Variants in PCDHGA3 observed in about 807,000 individuals in gnomAD.
PCDHGA3 encodes the protein protocadherin gamma-A3.
PCDHGA3 carries 40 observed loss-of-function variants against 58.5 expected under a neutral mutation model. The ratio of observed to expected loss-of-function variants is 0.68; its 90% CI spans 0.53 to 0.89. The LOEUF (loss-of-function observed/expected upper bound fraction) is 0.89. PCDHGA3 is among the 40% of genes least tolerant of loss of function. The probability of loss-of-function intolerance (pLI) is 0.00; values close to 1 mark genes in which losing one functional copy is unlikely to be tolerated. For missense variants in PCDHGA3, 1,223 were observed against 1,195.9 expected (o/e 1.02, Z -0.33); for synonymous variants, 530 against 525.7 (o/e 1.01, Z -0.11).
In PCDHGA3 at chr5:141,489,104, A is replaced by C; in HGVS notation, c.2425-5703A>C. The stretch of plus-strand genomic sequence containing the variant: ...CCACTCGGTGACTAAGAACTGCTGC[A>C]AGCAGGCAAACCTCCGAGCAGTTTT... On this transcript the variant is annotated intron_variant, in intron 1 of 3. Coordinates refer to ENST00000253812, the MANE Select transcript of PCDHGA3 (RefSeq NM_018916.4). The surrounding 1 kb of genome is among the most constrained non-coding windows in gnomAD (Gnocchi z 4.5). 2.5e-6 allele frequency: 1 copy of C among 405,816 alleles called. No individual in the cohort carries two copies. Among genetic ancestry groups the C allele is most frequent in the Non-Finnish European group, 4.3e-6 (1 of 232,372 alleles). 25.1% of individuals were successfully genotyped at this position (405,816 alleles called of 1,614,324 possible). A position where few individuals can be genotyped will look rare whatever the true frequency, so the allele number is the denominator to read the frequency against.
At chr5:141,361,729 C>A in intron 1 of PCDHGA3, 1 of 1,613,256 alleles carries the variant, frequency 6.2e-7, no homozygotes, top group East Asian at 2.2e-5. Flanking sequence ...CGAGCTCACA[C>A]TGCAGGCCCG....
intron 1 of PCDHGA3, chr5:141,351,562 C>A: frequency 1.9e-6 from 3 of 1,614,052 alleles, no homozygotes; most frequent in Non-Finnish European, 2.5e-6. Context: ...GGACAAGCAT[C>A]ACCCTGCACA....
In PCDHGA3 at chr5:141,511,318, A is replaced by C; in HGVS notation, c.*145A>C. 2 of 1,476,400 alleles carry C rather than the reference A, an allele frequency of 1.4e-6. No homozygotes were observed. Among genetic ancestry groups the C allele is most frequent in the South Asian group, 2.7e-5 (2 of 72,796 alleles). 91.5% of individuals were successfully genotyped at this position (1,476,400 alleles called of 1,614,324 possible). On this transcript the variant is annotated 3_prime_UTR_variant, in exon 4 of 4. Transcript: ENST00000253812. The stretch of plus-strand genomic sequence containing the variant: ...GCCATGCTCCCCTTGGGAAACAGAA[A>C]CAAGTGCCCAGTCAGCACCTACCCC...
intron 1 of PCDHGA3, chr5:141,351,744 G>C (rs1052633370): frequency 5.0e-6 from 8 of 1,613,526 alleles, no homozygotes; most frequent in South Asian, 1.1e-5. Context: ...CTGGAGCCGC[G>C]GGAGCTGTTG....
chr5:141,355,979 G>A (rs1277093940), intron 1 of PCDHGA3: 28 of 1,613,680 alleles, frequency 1.7e-5, no homozygotes, highest in Non-Finnish European at 2.1e-5. Context: ...GTAGGCACTC[G>A]GCTACTCACC....
At chr5:141,405,082 G>A (rs376389835) in intron 1 of PCDHGA3, 21 of 1,613,674 alleles carry the variant, frequency 1.3e-5, no homozygotes, top group East Asian at 2.2e-5. Context: ...TCGTTATCAC[G>A]CTGCTGGCCC....
At chr5:141,364,349 G>C (rs758855393) in intron 1 of PCDHGA3, 1 of 1,549,456 alleles carries the variant, frequency 6.5e-7, no homozygotes, top group Middle Eastern at 1.7e-4. Flanking sequence ...TCCACCTAGG[G>C]GCTGGGGCTG....
intron 1 of PCDHGA3, among the ~76,000 whole-genome samples, chr5:141,349,451 CATGT>C (rs1758296704): frequency 6.6e-6 from 1 of 152,086 alleles, no homozygotes; most frequent in Non-Finnish European, 1.5e-5. Flanking sequence ...TTCATAAAAG[CATGT>C]ATGTGTACCC....
chr5:141,445,361 G>A (rs2098464750), intron 1 of PCDHGA3, among the ~76,000 whole-genome samples: 2 of 152,138 alleles, frequency 1.3e-5, no homozygotes, highest in African/African-American at 4.8e-5. Context: ...GCCCAAGTCT[G>A]GTCCTGGGTG....
At chr5:141,381,157 C>T (rs959682414) in intron 1 of PCDHGA3, among the ~76,000 whole-genome samples, 2 of 152,238 alleles carry the variant, frequency 1.3e-5, no homozygotes, top group African/African-American at 4.8e-5. Flanking sequence ...AAATAGGTTA[C>T]TTAGGAGCCT....
chr5:141,474,289 T>C (rs11956411), intron 1 of PCDHGA3, among the ~76,000 whole-genome samples: 31,178 of 152,120 alleles, frequency 0.2, 3,304 homozygotes, highest in Admixed American at 0.31. Context: ...ACCCACTAGA[T>C]CAGTGCTTGT....
rs756146067 is a variant in PCDHGA3, at chr5:141,477,534, G to C, written c.2425-17273G>C. On this transcript the variant is annotated intron_variant, in intron 1 of 3. Transcript: ENST00000253812. This position sits in a 1 kb window ranked among gnomAD's most constrained non-coding sequence, Gnocchi z 4.9. ...TACATTGAAGAAAACAACCTCCCCG[G>C]GGCTCCAATACTAAACCTAAGTGTC... 1.9e-6 allele frequency: 3 copies of C among 1,614,008 alleles called. No homozygotes were observed. Among genetic ancestry groups the C allele is most frequent in the East Asian group, 4.5e-5 (2 of 44,870 alleles).
chr5:141,427,854 TGC>T (rs2097079964), intron 1 of PCDHGA3: 1 of 1,553,594 alleles, frequency 6.4e-7, no homozygotes, highest in Non-Finnish European at 8.8e-7. Context: ...CGAGCAGCTG[TGC>T]GCCTTCGAGC....
At chr5:141,484,878 G>C (rs2099602522) in intron 1 of PCDHGA3, 1 of 341,888 alleles carries the variant, frequency 2.9e-6, no homozygotes, top group Non-Finnish European at 5.3e-6. Flanking sequence ...TGGAGGATAG[G>C]GTGGGCTTTT....
intron 1 of PCDHGA3, chr5:141,423,382 C>A (rs1244632347): frequency 6.2e-7 from 1 of 1,614,118 alleles, no homozygotes; most frequent in Admixed American, 1.7e-5. Context: ...CAGGCTGTGG[C>A]GCTGGCATAA....
rs745457172 is a variant in PCDHGA3 at position 141,490,744 on chromosome 5, C to T, written c.2425-4063C>T. The stretch of plus-strand genomic sequence containing the variant: ...TGTAGGAAATCAGGTTCAGGGAGCC[C>T]CAGCCTCCTCCTTTGTGTATGTCAA... On this transcript the variant is annotated intron_variant, in intron 1 of 3. Coordinates refer to ENST00000253812, the MANE Select transcript of PCDHGA3 (RefSeq NM_018916.4). The surrounding 1 kb of genome is among the most constrained non-coding windows in gnomAD (Gnocchi z 5.4). 1 of 1,614,142 alleles carries T rather than the reference C, an allele frequency of 6.2e-7. No homozygotes were observed. Among genetic ancestry groups the T allele is most frequent in the Non-Finnish European group, 8.5e-7 (1 of 1,180,006 alleles).
intron 1 of PCDHGA3, chr5:141,385,740 T>A: frequency 4.9e-6 from 1 of 202,756 alleles, no homozygotes; most frequent in Non-Finnish European, 8.9e-6. Context: ...ATTTCTTCCA[T>A]GTGAAGATTT....
chr5:141,348,007 G>A (rs529602775), intron 1 of PCDHGA3, among the ~76,000 whole-genome samples: 1 of 152,182 alleles, frequency 6.6e-6, no homozygotes, highest in Admixed American at 6.5e-5. Flanking sequence ...AGCCTCTGCG[G>A]GAGATTTCCA....
chr5:141,444,900 T>C (rs997464788), intron 1 of PCDHGA3, among the ~76,000 whole-genome samples: 1 of 152,182 alleles, frequency 6.6e-6, no homozygotes, highest in Non-Finnish European at 1.5e-5. Context: ...TGGGATGGCA[T>C]TGCATCTATA....
Sources: gnomAD v4.1 joint callset for allele counts (sites outside exome capture counted in the v4.1 genomes callset) on GRCh38, gnomAD v4.1.1 for gene constraint, Gnocchi (gnomAD v3.1) non-coding constraint, MANE v1.5 for transcripts, NCBI Gene and HGNC (gene_info 2026-07-23, HGNC 2026-07-21) for gene names.